PPP3CA: variants seen among roughly 807,000 people sequenced by gnomAD.
The protein encoded by PPP3CA is protein phosphatase 3 catalytic subunit alpha, also known as CAM-PRP catalytic subunit.
A neutral mutation model predicts 66.5 loss-of-function variants in PPP3CA; 14 were observed. That is an observed-to-expected ratio of 0.21 (90% CI 0.14 to 0.33). The LOEUF is 0.33. Among genes scored for constraint, PPP3CA ranks in the 10% least tolerant of loss-of-function variants. PPP3CA has a pLI of 1.00. For synonymous variants in PPP3CA, 232 were observed against 226.2 expected (o/e 1.03, Z -0.23); for missense variants, 317 against 639.5 (o/e 0.50, Z 5.44).
intron 9 of PPP3CA, among the ~76,000 whole-genome samples, chr4:101,061,696 TATC>T (rs1354180189): frequency 2.6e-5 from 4 of 152,096 alleles, no homozygotes; most frequent in African/African-American, 7.2e-5. Flanking sequence ...TTGACAGAAA[TATC>T]ATTAAATTTG....
chr4:101,234,332 T>C (rs149966679), intron 1 of PPP3CA, among the ~76,000 whole-genome samples: 510 of 151,948 alleles, frequency 3.4e-3, no homozygotes, highest in South Asian at 7.3e-3. Context: ...ATAGCTGAAA[T>C]AATTTACACT....
chr4:101,306,317 A>G (rs913925960), intron 1 of PPP3CA, among the ~76,000 whole-genome samples: 1 of 151,802 alleles, frequency 6.6e-6, no homozygotes, highest in Non-Finnish European at 1.5e-5. Context: ...ACCCCTACTC[A>G]CTCTTGAATC....
intron 1 of PPP3CA, among the ~76,000 whole-genome samples, chr4:101,341,603 C>A (rs1392777368): frequency 6.6e-6 from 1 of 152,264 alleles, no homozygotes; most frequent in East Asian, 1.9e-4. Flanking sequence ...ACCACACACT[C>A]CCCATTTCCC....
chr4:101,115,755 C>T (rs1721819503), intron 2 of PPP3CA, among the ~76,000 whole-genome samples: 1 of 151,888 alleles, frequency 6.6e-6, no homozygotes, highest in African/African-American at 2.4e-5. Flanking sequence ...ATATCTTTCA[C>T]TTAGTGCAAA....
chr4:101,046,799 C>A (rs1032293923), intron 10 of PPP3CA, among the ~76,000 whole-genome samples: 1 of 152,036 alleles, frequency 6.6e-6, no homozygotes, highest in Non-Finnish European at 1.5e-5. Flanking sequence ...TTGAATAAAA[C>A]CTCTTGATGA....
intron 1 of PPP3CA, among the ~76,000 whole-genome samples, chr4:101,341,631 T>C (rs756129999): frequency 6.6e-6 from 1 of 152,144 alleles, no homozygotes; most frequent in Non-Finnish European, 1.5e-5. Context: ...TATCCTTCGG[T>C]CCTCACAAGT....
chr4:101,139,696 GTTTTTTTTTTT>G (rs372257350), intron 2 of PPP3CA, among the ~76,000 whole-genome samples: 1 of 98,406 alleles, frequency 1.0e-5, no homozygotes, highest in East Asian at 3.3e-4. Context: ...TTTTTTTTGT[GTTTTTTTTTTT>G]TTTTTTTTTT....
In PPP3CA at chr4:101,324,160, GGA is replaced by G. The variant is rs1729133249; in HGVS notation, c.58+22577_58+22578del. 4.0e-3 allele frequency among the ~76,000 whole-genome samples: 331 copies of G among 82,426 alleles called. 2 individuals are homozygous for G. Among genetic ancestry groups the G allele is most frequent in the Admixed American group, 9.3e-3 (81 of 8,750 alleles). 54.1% of individuals were successfully genotyped at this position (82,426 alleles called of 152,430 possible). ...GGAAGGGAAGGAAGGGAGGGAGGAA[GGA>G]AGGAAGGAAGGAAGGAAGGAAGGAA... is the stretch of plus-strand genomic sequence containing the variant. On this transcript the variant is annotated intron_variant, in intron 1 of 13. Coordinates refer to ENST00000394854, the MANE Select transcript of PPP3CA (RefSeq NM_000944.5).
intron 1 of PPP3CA, among the ~76,000 whole-genome samples, chr4:101,225,060 T>C (rs1231122251): frequency 1.3e-5 from 2 of 151,760 alleles, no homozygotes; most frequent in Non-Finnish European, 2.9e-5. Context: ...CCCATGGAAG[T>C]ACTCAGCTGC....
intron 2 of PPP3CA, among the ~76,000 whole-genome samples, chr4:101,112,419 T>C (rs1489439074): frequency 6.6e-6 from 1 of 152,122 alleles, no homozygotes; most frequent in South Asian, 2.1e-4. Context: ...TGCTGTAAAC[T>C]CTGCATGGAA....
intron 1 of PPP3CA, among the ~76,000 whole-genome samples, chr4:101,239,240 C>T (rs918227720): frequency 6.6e-6 from 1 of 152,072 alleles, no homozygotes; most frequent in Non-Finnish European, 1.5e-5. Context: ...CTTAAAAAGG[C>T]ACAGTCTCAC....
Position 101,231,287 on chromosome 4 carries a change from G to A in PPP3CA, c.59-35171C>T, listed in dbSNP as rs577465007. Among the ~76,000 whole-genome samples, 6 of 151,794 alleles carry A rather than the reference G, an allele frequency of 4.0e-5. No homozygotes were observed. In the East Asian group the frequency reaches 1.2e-3, roughly 30 times the overall value. On this transcript the variant is annotated intron_variant, in intron 1 of 13. Transcript: ENST00000394854. ...AAGAGCAAAGCAAGAAATGGGGAAG[G>A]CAGCAGTTTTTAGTTTATCAGGCCG...
chr4:101,069,113 C>G (rs1728802873), intron 8 of PPP3CA, among the ~76,000 whole-genome samples: 1 of 152,090 alleles, frequency 6.6e-6, no homozygotes, highest in Admixed American at 6.6e-5. Flanking sequence ...TAGCTAACTG[C>G]AGTTTCGAAC....
At chr4:101,325,600 G>C (rs1455155569) in intron 1 of PPP3CA, among the ~76,000 whole-genome samples, 1 of 152,154 alleles carries the variant, frequency 6.6e-6, no homozygotes, top group Admixed American at 6.5e-5. Context: ...CCCAGAGTCA[G>C]TACTCAATAA....
At chr4:101,313,100 C>T (rs1728777189) in intron 1 of PPP3CA, among the ~76,000 whole-genome samples, 1 of 152,124 alleles carries the variant, frequency 6.6e-6, no homozygotes, top group Non-Finnish European at 1.5e-5. Context: ...TTACTTATTA[C>T]TAAAGATCCT....
At chr4:101,159,961 T>C (rs547441406) in intron 2 of PPP3CA, among the ~76,000 whole-genome samples, 1 of 152,250 alleles carries the variant, frequency 6.6e-6, no homozygotes, top group South Asian at 2.1e-4. Flanking sequence ...GAACTATCTA[T>C]AAAATATTCT....
intron 1 of PPP3CA, among the ~76,000 whole-genome samples, chr4:101,320,453 T>C (rs888800363): frequency 2.4e-5 from 3 of 124,128 alleles, no homozygotes; most frequent in African/African-American, 1.2e-4. Flanking sequence ...AAACCACTCA[T>C]ATGTATGTAT....
chr4:101,333,447 T>C (rs1268591883), intron 1 of PPP3CA, among the ~76,000 whole-genome samples: 1 of 151,822 alleles, frequency 6.6e-6, no homozygotes, highest in East Asian at 1.9e-4. Context: ...TTTTTTCTCA[T>C]ATTATCAAAC....
chr4:101,115,352 C>T (rs1170771817), intron 2 of PPP3CA, among the ~76,000 whole-genome samples: 2 of 151,900 alleles, frequency 1.3e-5, no homozygotes, highest in African/African-American at 4.8e-5. Context: ...TGACCAGAAC[C>T]AAGCATTTGC....
Sources: gnomAD v4.1 joint callset for allele counts (sites outside exome capture counted in the v4.1 genomes callset) on GRCh38, gnomAD v4.1.1 for gene constraint, MANE v1.5 for transcripts, NCBI Gene and HGNC (gene_info 2026-07-23, HGNC 2026-07-21) for gene names.